DPY19L1: variants seen among roughly 807,000 people sequenced by gnomAD.
DPY19L1 encodes the protein protein C-mannosyl-transferase DPY19L1.
Under a neutral mutation model 96.9 loss-of-function variants are expected in DPY19L1, and 35 were observed. The observed-to-expected ratio is 0.36, with a 90% CI of 0.28 to 0.48. The LOEUF is 0.48. Ranked by LOEUF, DPY19L1 falls within the 20% of genes least tolerant of loss-of-function variation. The probability of loss-of-function intolerance (pLI) is 0.99; values close to 1 mark genes in which losing one functional copy is unlikely to be tolerated. For synonymous variants in DPY19L1, 205 were observed against 252.6 expected, an observed-to-expected ratio of 0.81 and a Z score of 1.79; for missense variants, 521 against 777.9, an observed-to-expected ratio of 0.67 and a Z score of 3.93.
At chr7:35,036,577 CAAAT>C (rs1234313796) in intron 1 of DPY19L1, among the ~76,000 whole-genome samples, 3 of 152,028 alleles carry the variant, frequency 2.0e-5, no homozygotes, top group Middle Eastern at 3.2e-3. Flanking sequence ...AGGGGAATCA[CAAAT>C]AAAGTGCCAC....
intron 1 of DPY19L1, among the ~76,000 whole-genome samples, chr7:35,027,152 C>T (rs574413008): frequency 1.4e-3 from 205 of 151,744 alleles, no homozygotes; most frequent in African/African-American, 4.7e-3. Flanking sequence ...TACAGTGAGC[C>T]GAGATTGCGC....
intron 3 of DPY19L1, among the ~76,000 whole-genome samples, chr7:35,015,476 G>A (rs1258152264): frequency 6.6e-6 from 1 of 152,084 alleles, no homozygotes; most frequent in Non-Finnish European, 1.5e-5. Context: ...CATCCTTAGT[G>A]CTCATTATAA....
intron 3 of DPY19L1, among the ~76,000 whole-genome samples, chr7:35,016,148 A>G (rs1015821217): frequency 7.9e-5 from 12 of 152,246 alleles, no homozygotes; most frequent in African/African-American, 2.7e-4. Flanking sequence ...AGCATCTGCC[A>G]CTGACAGAAA....
intron 1 of DPY19L1, among the ~76,000 whole-genome samples, chr7:35,020,271 C>T (rs1785964224): frequency 6.6e-6 from 1 of 152,162 alleles, no homozygotes; most frequent in Non-Finnish European, 1.5e-5. Context: ...GAAGACTTGC[C>T]ATGCTTCTAC....
chr7:34,990,265 T>A (rs779895562), intron 6 of DPY19L1, among the ~76,000 whole-genome samples: 2 of 152,200 alleles, frequency 1.3e-5, no homozygotes, highest in Admixed American at 6.5e-5. Context: ...TTTTCTTTAG[T>A]ACCTCATATT....
chr7:34,997,609 CAAAAAAAAAAAA>C (rs3048611), intron 6 of DPY19L1, among the ~76,000 whole-genome samples: 4 of 75,662 alleles, frequency 5.3e-5, no homozygotes, highest in East Asian at 3.9e-4. Context: ...GACTCCGTCT[CAAAAAAAAAAAA>C]AAAAAAAAAA....
At position 35,013,610 on chromosome 7, in the gene DPY19L1, G is replaced by A. The variant is rs184995902; in HGVS notation, c.507C>T (p.Pro169=). ...MIMNDKLTEY[P]LVINTLKRFN... Reference sequence around the variant, plus strand: ...ATCTTTTTAATGTATTAATGACAAGGGGGTATTCAGTCAGTTTATCATTCA... The same window carrying A: ...ATCTTTTTAATGTATTAATGACAAGAGGGTATTCAGTCAGTTTATCATTCA... The change falls in exon 4 of 22, where the codon CCC becomes CCT. Residue 169 remains proline, a synonymous_variant. Coordinates refer to ENST00000638088, the MANE Select transcript of DPY19L1 (RefSeq NM_001366673.1). 6.8e-6 allele frequency: 11 copies of A among 1,609,728 alleles called. No homozygotes were observed. The Admixed American group carries it at 1.3e-4, about 20-fold the overall frequency.
chr7:34,980,424 C>T (rs1456246236), intron 7 of DPY19L1, among the ~76,000 whole-genome samples: 1 of 151,876 alleles, frequency 6.6e-6, no homozygotes, highest in Non-Finnish European at 1.5e-5. Flanking sequence ...ATAAATGGAA[C>T]TTCATGAAAA....
intron 7 of DPY19L1, among the ~76,000 whole-genome samples, chr7:34,987,712 G>T (rs1785080795): frequency 6.6e-6 from 1 of 151,728 alleles, no homozygotes; most frequent in African/African-American, 2.4e-5. Flanking sequence ...ACATAAATAG[G>T]TACTACCAGA....
chr7:35,027,300 C>CT (rs1211672391), intron 1 of DPY19L1, among the ~76,000 whole-genome samples: 8 of 152,188 alleles, frequency 5.3e-5, no homozygotes, highest in African/African-American at 1.9e-4. Context: ...GCTGTTATCA[C>CT]TAACACGCTG....
chr7:34,932,303 T>TA (rs1183956570), intron 21 of DPY19L1, among the ~76,000 whole-genome samples: 9 of 152,228 alleles, frequency 5.9e-5, no homozygotes, highest in Non-Finnish European at 1.3e-4. Flanking sequence ...TTAATACACC[T>TA]AATCTACCCA....
chr7:34,956,593 G>A (rs1235470603), intron 11 of DPY19L1, among the ~76,000 whole-genome samples: 5 of 150,816 alleles, frequency 3.3e-5, no homozygotes, highest in East Asian at 3.9e-4. Context: ...TGCAAGCTCC[G>A]CCTCCTGGGT....
intron 7 of DPY19L1, among the ~76,000 whole-genome samples, chr7:34,986,998 TATC>T (rs1367232956): frequency 1.3e-4 from 20 of 152,028 alleles, no homozygotes; most frequent in South Asian, 4.1e-4. Context: ...TTTTTAATCT[TATC>T]ATGAAAAAGC....
At chr7:34,952,475 A>C (rs1195676432) in intron 13 of DPY19L1, among the ~76,000 whole-genome samples, 6 of 152,206 alleles carry the variant, frequency 3.9e-5, no homozygotes, top group Non-Finnish European at 4.4e-5. Context: ...AGGAAGAGAT[A>C]ATACCAATTC....
chr7:34,945,206 G>A (rs1324217832), intron 16 of DPY19L1, among the ~76,000 whole-genome samples: 1 of 151,828 alleles, frequency 6.6e-6, no homozygotes, highest in African/African-American at 2.4e-5. Context: ...CTAACTCTCA[G>A]GTTATAAACA....
At chr7:34,933,397 G>T (rs973661722) in intron 21 of DPY19L1, among the ~76,000 whole-genome samples, 1 of 152,196 alleles carries the variant, frequency 6.6e-6, no homozygotes, top group African/African-American at 2.4e-5. Context: ...GCTATCTGCT[G>T]TATCTTTCTC....
intron 21 of DPY19L1, among the ~76,000 whole-genome samples, chr7:34,937,770 C>A (rs546179460): frequency 6.6e-6 from 1 of 152,110 alleles, no homozygotes; most frequent in African/African-American, 2.4e-5. Context: ...CCCATCTCCA[C>A]TAAAAATACA....
intron 16 of DPY19L1, among the ~76,000 whole-genome samples, chr7:34,945,431 A>T (rs1335697975): frequency 6.6e-6 from 1 of 151,850 alleles, no homozygotes; most frequent in Non-Finnish European, 1.5e-5. Flanking sequence ...AGTGTAGATT[A>T]TGTGCAGGGC....
rs1157454447 is a variant in DPY19L1, at chr7:34,929,675, C to G, written c.*1898G>C. On this transcript the variant is annotated 3_prime_UTR_variant, in exon 22 of 22. Transcript: ENST00000638088. Reference sequence around the variant, plus strand: ...GATAAGCAGCGCGCACCTCCCTCTCCCTGCTCATGTCAACTCCCATCCTCA... The same window carrying G: ...GATAAGCAGCGCGCACCTCCCTCTCGCTGCTCATGTCAACTCCCATCCTCA... The G allele has an allele frequency of 6.6e-6, 1 of 152,214 alleles. No individual in the cohort carries two copies. Among genetic ancestry groups the G allele is most frequent in the Non-Finnish European group, 1.5e-5 (1 of 68,050 alleles). 9.4% of individuals were successfully genotyped at this position (152,214 alleles called of 1,614,324 possible).
Sources: gnomAD v4.1 joint callset for allele counts (sites outside exome capture counted in the v4.1 genomes callset) on GRCh38, gnomAD v4.1.1 for gene constraint, MANE v1.5 for transcripts, NCBI Gene and HGNC (gene_info 2026-07-23, HGNC 2026-07-21) for gene names.